The following PDE4D variants were observed in gnomAD, a reference collection of about 807,000 sequenced individuals.
The protein encoded by PDE4D is phosphodiesterase 4D.
PDE4D carries 24 observed loss-of-function variants against 87.4 expected under a neutral mutation model. That is an observed-to-expected ratio of 0.27 (90% CI 0.20 to 0.39). The LOEUF (loss-of-function observed/expected upper bound fraction) is 0.39, where lower values mean the gene tolerates loss of function less well. Ranked by LOEUF, PDE4D falls within the 10% of genes least tolerant of loss-of-function variation. The pLI, the probability that PDE4D is intolerant of heterozygous loss-of-function variation, is 1.00. For synonymous variants in PDE4D, 384 were observed against 383.2 expected (o/e 1.00, Z -0.02); for missense variants, 714 against 1,041.0 (o/e 0.69, Z 4.32).
At chr5:59,080,965 C>T (rs550811966) in intron 5 of PDE4D, among the ~76,000 whole-genome samples, 23 of 152,238 alleles carry the variant, frequency 1.5e-4, no homozygotes, top group African/African-American at 5.5e-4. Flanking sequence ...TTAAAAAGTT[C>T]TTCATTGACA....
chr5:60,464,688 C>T (rs1747208540), intron 1 of PDE4D, among the ~76,000 whole-genome samples: 1 of 152,102 alleles, frequency 6.6e-6, no homozygotes, highest in African/African-American at 2.4e-5. Context: ...CTCAACATAG[C>T]GTGATAGTGG....
intron 1 of PDE4D, among the ~76,000 whole-genome samples, chr5:59,251,548 A>G (rs945817720): frequency 1.3e-5 from 2 of 152,200 alleles, no homozygotes; most frequent in African/African-American, 4.8e-5. Context: ...AAGGTTGTAG[A>G]GAAAAGGGAA....
At chr5:59,198,539 G>T (rs1048008803) in intron 2 of PDE4D, among the ~76,000 whole-genome samples, 2 of 152,132 alleles carry the variant, frequency 1.3e-5, no homozygotes, top group African/African-American at 2.4e-5. Context: ...ACCTTCCCTG[G>T]TTACCAGGAA....
In PDE4D at chr5:60,400,446, C is replaced by A. The variant is rs895125204; in HGVS notation, c.-90+87496G>T. Among the ~76,000 whole-genome samples, 22 of 134,742 alleles carry A rather than the reference C, an allele frequency of 1.6e-4. 1 individual carries two copies. In the Admixed American group the frequency reaches 1.8e-3, roughly 11 times the overall value. The allele number at this position is 134,742 out of a possible 152,430, so 88.4% of individuals were successfully genotyped here. On this transcript the variant is annotated intron_variant, in intron 1 of 16. Coordinates refer to the PDE4D transcript ENST00000502484. ...CTGAGGCAGGAGAATGGCGTGAACC[C>A]GGAAGGCAGAGCTTGCAGTGAGCCA...
At chr5:59,500,016 T>C (rs978568769) in intron 1 of PDE4D, among the ~76,000 whole-genome samples, 98 of 152,092 alleles carry the variant, frequency 6.4e-4, no homozygotes, top group African/African-American at 2.2e-3. Context: ...GCAAAAGTCC[T>C]CCACAAAATA....
intron 1 of PDE4D, among the ~76,000 whole-genome samples, chr5:60,245,388 A>G (rs185636403): frequency 6.6e-6 from 1 of 152,048 alleles, no homozygotes; most frequent in East Asian, 1.9e-4. Context: ...TCCTCAAAAA[A>G]TTAAAAATAG....
chr5:60,325,271 TA>T (rs1416164246), intron 1 of PDE4D, among the ~76,000 whole-genome samples: 1 of 152,156 alleles, frequency 6.6e-6, no homozygotes, highest in East Asian at 1.9e-4. Context: ...AAAGCAATTA[TA>T]GGGGGAAAAT....
At chr5:59,139,616 C>T in intron 5 of PDE4D, among the ~76,000 whole-genome samples, 1 of 151,976 alleles carries the variant, frequency 6.6e-6, no homozygotes, top group Middle Eastern at 3.2e-3. Context: ...ACTACTGGAA[C>T]CTACTGCCAT....
At chr5:60,093,574 T>C (rs971323259) in intron 2 of PDE4D, among the ~76,000 whole-genome samples, 3 of 152,168 alleles carry the variant, frequency 2.0e-5, no homozygotes, top group African/African-American at 7.2e-5. Flanking sequence ...GTGCTGACTG[T>C]TGCCTTACCC....
rs1491367158 is a variant in PDE4D, at chr5:60,473,120, A to AGGAAGG, written c.-90+14821_-90+14822insCCTTCC. On this transcript the variant is annotated intron_variant, in intron 1 of 16. Coordinates refer to the PDE4D transcript ENST00000502484. ...AAGAAAGAAAGAAAGAGAGAGAGAG[A>AGGAAGG]AAGAAAGGAAGGAAGGAAGGAAGGA... Among the ~76,000 whole-genome samples, 3 of 57,028 alleles carry AGGAAGG rather than the reference A, an allele frequency of 5.3e-5. No individual in the cohort carries two copies. In the African/African-American group the frequency reaches 6.3e-4, roughly 12 times the overall value. The allele number at this position is 57,028 out of a possible 152,430, so 37.4% of individuals were successfully genotyped here.
rs35273659 is a variant in PDE4D at position 59,224,293 on chromosome 5, TACACACACAC to T, written c.456-8335_456-8326del. On this transcript the variant is annotated intron_variant, in intron 1 of 14. Transcript: ENST00000340635. ...TGAGATCCTGTCATACACACACACA[TACACACACAC>T]ACACACACACACACACACACACACA... is the stretch of plus-strand genomic sequence containing the variant. 5.7e-4 allele frequency among the ~76,000 whole-genome samples: 77 copies of T among 135,492 alleles called. 1 individual carries two copies. The highest frequency in any genetic ancestry group is 1.8e-3 in the African/African-American group (68 of 37,854). 88.9% of individuals were successfully genotyped at this position (135,492 alleles called of 152,430 possible). A position where few individuals can be genotyped will look rare whatever the true frequency, so the allele number is the denominator to read the frequency against.
At chr5:60,016,141 A>G (rs1765496982) in intron 2 of PDE4D, among the ~76,000 whole-genome samples, 1 of 152,136 alleles carries the variant, frequency 6.6e-6, no homozygotes, top group Non-Finnish European at 1.5e-5. Context: ...CACTGCAATA[A>G]AGCAAATATT....
intron 6 of PDE4D, chr5:58,999,563 A>ATATATG (rs1554041380): frequency 7.8e-5 from 93 of 1,198,064 alleles, no homozygotes; most frequent in East Asian, 4.8e-4. Flanking sequence ...GTATATATAT[A>ATATATG]TATATGTATA....
At chr5:60,045,377 T>G (rs553941700) in intron 2 of PDE4D, among the ~76,000 whole-genome samples, 1 of 152,342 alleles carries the variant, frequency 6.6e-6, no homozygotes, top group Admixed American at 6.5e-5. Context: ...TTAGATCCTA[T>G]TTGTCAATTT....
intron 1 of PDE4D, among the ~76,000 whole-genome samples, chr5:59,360,029 T>C (rs1289810983): frequency 6.6e-6 from 1 of 152,172 alleles, no homozygotes; most frequent in African/African-American, 2.4e-5. Flanking sequence ...GCATCGTTTT[T>C]GCCTCTTGAA....
At chr5:60,043,974 C>G (rs907386491) in intron 2 of PDE4D, among the ~76,000 whole-genome samples, 1 of 152,144 alleles carries the variant, frequency 6.6e-6, no homozygotes, top group Non-Finnish European at 1.5e-5. Flanking sequence ...AATGAGATTT[C>G]TGATGTAATT....
At chr5:59,474,616 T>C (rs1253217723) in intron 1 of PDE4D, among the ~76,000 whole-genome samples, 3 of 152,140 alleles carry the variant, frequency 2.0e-5, no homozygotes, top group African/African-American at 7.2e-5. Context: ...AAAGCATCAA[T>C]CATCTTGGGT....
At chr5:59,154,207 T>C (rs1375530560) in intron 5 of PDE4D, among the ~76,000 whole-genome samples, 4 of 152,210 alleles carry the variant, frequency 2.6e-5, no homozygotes, top group Non-Finnish European at 5.9e-5. Context: ...GCTGGCATCA[T>C]GGAAGGCCAG....
Position 60,465,116 on chromosome 5 carries a change from A to G in PDE4D, c.-90+22826T>C, listed in dbSNP as rs113616265. Among the ~76,000 whole-genome samples, 328 of 151,978 alleles carry G rather than the reference A, an allele frequency of 2.2e-3. 2 individuals are homozygous for G. Among genetic ancestry groups the G allele is most frequent in the African/African-American group, 7.6e-3 (316 of 41,530 alleles). On this transcript the variant is annotated intron_variant, in intron 1 of 16. Coordinates refer to the PDE4D transcript ENST00000502484. ...AGCACAACTTCATCTTTAAAAAAAT[A>G]AATAAATAAAAATAAATAATTAAAT...
Sources: gnomAD v4.1 joint callset for allele counts (sites outside exome capture counted in the v4.1 genomes callset) on GRCh38, gnomAD v4.1.1 for gene constraint, MANE v1.5 for transcripts, NCBI Gene and HGNC (gene_info 2026-07-23, HGNC 2026-07-21) for gene names.